The following RELT variants were observed in gnomAD, a reference collection of about 807,000 sequenced individuals.
RELT encodes RELT TNF receptor, also known as tumor necrosis factor receptor superfamily member 19L.
In RELT, 37 loss-of-function variants were observed where a neutral mutation model predicts 51.1. The ratio of observed to expected loss-of-function variants is 0.72; its 90% CI spans 0.56 to 0.95. RELT has a LOEUF of 0.95. RELT is among the 40% of genes least tolerant of loss of function. The pLI is 0.00. For missense variants in RELT, 535 were observed against 572.6 expected (o/e 0.93, Z 0.67); for synonymous variants, 241 against 235.7 (o/e 1.02, Z -0.21).
At position 73,395,232 on chromosome 11, in the gene RELT, A is replaced by G. The variant is rs1866297307; in HGVS notation, c.1192A>G (p.Ser398Gly). 6.2e-7 allele frequency: 1 copy of G among 1,613,158 alleles called. No individual in the cohort carries two copies. The highest frequency in any genetic ancestry group is 8.5e-7 in the Non-Finnish European group (1 of 1,179,952). The change falls in exon 10 of 11, where the codon AGT becomes GGT. Residue 398 changes from serine to glycine, a missense_variant. Ser to Gly is a moderately conservative substitution (Grantham distance 56). Transcript: ENST00000064780. ...LPPEQQALLG[S>G]GGSRTKWLKP... ...CCCTGAGCAGCAGGCCCTGCTAGGA[A>G]GTGGCGGAAGCCGTACAAAGTGGCT...
At position 73,390,435 on chromosome 11, in the gene RELT, T is replaced by C. The variant is rs149576064; in HGVS notation, c.46-116T>C. 531 of 888,492 alleles carry C rather than the reference T, an allele frequency of 6.0e-4. 3 individuals are homozygous for C. The African/African-American group carries it at 7.6e-3, about 13-fold the overall frequency. 55.0% of individuals were successfully genotyped at this position (888,492 alleles called of 1,614,324 possible). A position where few individuals can be genotyped will look rare whatever the true frequency, so the allele number is the denominator to read the frequency against. On this transcript the variant is annotated intron_variant, in intron 2 of 10. Transcript: ENST00000064780. Reference sequence around the variant, plus strand: ...GAAGAGTGTGTCCCTGAAGCCCGGGTGGGGTAGTCAGTGGTCCCTACCACT... The same window carrying C: ...GAAGAGTGTGTCCCTGAAGCCCGGGCGGGGTAGTCAGTGGTCCCTACCACT...
Position 73,395,549 on chromosome 11 carries a change from TGGA to T in RELT, c.*64_*66del. On this transcript the variant is annotated 3_prime_UTR_variant, in exon 11 of 11. Transcript: ENST00000064780. Reference sequence around the variant, plus strand: ...GCCCTGGGAGGTTCCGAAGGCTTCCTGGAGGAGGTGGAGCTGCAGCTGGGACTG... The same window carrying T: ...GCCCTGGGAGGTTCCGAAGGCTTCCTGGAGGTGGAGCTGCAGCTGGGACTG... The T allele has an allele frequency of 1.3e-6, 1 of 779,910 alleles. No homozygotes were observed. Among genetic ancestry groups the T allele is most frequent in the Non-Finnish European group, 2.4e-6 (1 of 417,778 alleles). 48.3% of individuals were successfully genotyped at this position (779,910 alleles called of 1,614,324 possible). A position where few individuals can be genotyped will look rare whatever the true frequency, so the allele number is the denominator to read the frequency against.
intron 1 of RELT, among the ~76,000 whole-genome samples, chr11:73,379,962 T>C (rs1460134346): frequency 6.6e-6 from 1 of 152,230 alleles, no homozygotes; most frequent in African/African-American, 2.4e-5. Flanking sequence ...CTTTTAAAGC[T>C]TCCCTCTTTC....
In RELT at chr11:73,392,253, G is replaced by A. The variant is rs1866228161; in HGVS notation, c.410G>A (p.Gly137Glu). 1 of 1,612,732 alleles carries A rather than the reference G, an allele frequency of 6.2e-7. No homozygotes were observed. Among genetic ancestry groups the A allele is most frequent in the African/African-American group, 1.3e-5 (1 of 74,912 alleles). The change falls in exon 6 of 11, where the codon GGG (glycine) becomes GAG (glutamate). Residue 137 changes from glycine (G) to glutamate (E), a missense_variant. By Grantham distance (98) the Gly-to-Glu change is moderately conservative. Coordinates refer to ENST00000064780, the MANE Select transcript of RELT (RefSeq NM_152222.2). Reference protein sequence around the residue: ...RARRGVEVAAGASSGGETRQP... With the variant: ...RARRGVEVAAEASSGGETRQP... ...CGACGTGGCGTGGAGGTGGCAGCAG[G>A]GGCCAGCAGCGGTGGTGAGACACGG... is the stretch of plus-strand genomic sequence containing the variant.
In RELT at chr11:73,394,156, G is replaced by T. The variant is rs1590738989; in HGVS notation, c.707-80G>T. 5 of 1,306,822 alleles carry T rather than the reference G, an allele frequency of 3.8e-6. No homozygotes were observed. Among genetic ancestry groups the T allele is most frequent in the Non-Finnish European group, 4.3e-6 (4 of 929,406 alleles). The allele number at this position is 1,306,822 out of a possible 1,614,324, so 81.0% of individuals were successfully genotyped here. ...GGGAGTGGTGGTATGGAGGGTAGGTGGGGGGTTCTCTGCTGGGGCAGGGGG... is the reference window on the plus strand; with the variant it reads ...GGGAGTGGTGGTATGGAGGGTAGGTTGGGGGTTCTCTGCTGGGGCAGGGGG... On this transcript the variant is annotated intron_variant, in intron 7 of 10. Transcript: ENST00000064780. The surrounding 1 kb of genome is among the most constrained non-coding windows in gnomAD (Gnocchi z 4.9).
At chr11:73,378,450 G>T (rs928282218) in intron 1 of RELT, among the ~76,000 whole-genome samples, 1 of 152,208 alleles carries the variant, frequency 6.6e-6, no homozygotes, top group African/African-American at 2.4e-5. Context: ...TTCAGAGAAA[G>T]GAACTGAGGA....
chr11:73,391,939 A>G (rs892417057), intron 5 of RELT: 42 of 564,376 alleles, frequency 7.4e-5, no homozygotes, highest in Non-Finnish European at 1.1e-4. Flanking sequence ...CCTGTGTGCC[A>G]TCTCTTCACC....
intron 2 of RELT, among the ~76,000 whole-genome samples, chr11:73,389,937 C>G (rs1866183992): frequency 6.6e-6 from 1 of 152,172 alleles, no homozygotes; most frequent in Non-Finnish European, 1.5e-5. Flanking sequence ...GAGAGAACTC[C>G]TAGTGAAATG....
At chr11:73,376,767 G>A (rs1354207867) in intron 1 of RELT, 1 of 151,926 alleles carries the variant, frequency 6.6e-6, no homozygotes, top group Non-Finnish European at 1.5e-5. Flanking sequence ...GGCCCTGCGT[G>A]GTGGCTGTCG....
intron 4 of RELT, 103 bp from the exon 5 acceptor site, chr11:73,391,041 G>T: frequency 6.6e-7 from 1 of 1,523,110 alleles, no homozygotes; most frequent in South Asian, 1.1e-5. Context: ...AAATGGGATG[G>T]GGCAGGACCA....
At chr11:73,382,665 C>A (rs527849526) in intron 1 of RELT, among the ~76,000 whole-genome samples, 1 of 152,290 alleles carries the variant, frequency 6.6e-6, no homozygotes, top group South Asian at 2.1e-4. Flanking sequence ...GAAGTTGTTA[C>A]AGGCTACCAC....
At position 73,394,372 on chromosome 11, in the gene RELT, T is replaced by C; in HGVS notation, c.788+55T>C. 1 of 1,609,920 alleles carries C rather than the reference T, an allele frequency of 6.2e-7. No homozygotes were observed. Among genetic ancestry groups the C allele is most frequent in the South Asian group, 1.1e-5 (1 of 90,948 alleles). ...CAAAACCTACATTAACCAGCCTGCC[T>C]CCTGGGGATCTCCCACTTGGGTCTC... On this transcript the variant is annotated intron_variant, in intron 8 of 10. Coordinates refer to ENST00000064780, the MANE Select transcript of RELT (RefSeq NM_152222.2). This position sits in a 1 kb window ranked among gnomAD's most constrained non-coding sequence, Gnocchi z 4.9.
rs1565225238 is a variant in RELT, at chr11:73,395,440, C to G, written c.1246-4C>G. The G allele has an allele frequency of 2.3e-6, 2 of 872,548 alleles. No individual in the cohort carries two copies. Among genetic ancestry groups the G allele is most frequent in the Admixed American group, 3.4e-5 (2 of 59,160 alleles). The allele number at this position is 872,548 out of a possible 1,614,324, so 54.1% of individuals were successfully genotyped here. A position where few individuals can be genotyped will look rare whatever the true frequency, so the allele number is the denominator to read the frequency against. ...AGCTCTGACCCCTCACCCCTGCCCA[C>G]CAGGAGAACCGCTATGTGGTCCGGC... is the stretch of plus-strand genomic sequence containing the variant. On this transcript the variant is annotated splice_region_variant and splice_polypyrimidine_tract_variant and intron_variant, in intron 10 of 10. Transcript: ENST00000064780.
At chr11:73,390,058 G>A (rs913559691) in intron 2 of RELT, among the ~76,000 whole-genome samples, 1 of 152,152 alleles carries the variant, frequency 6.6e-6, no homozygotes, top group Non-Finnish European at 1.5e-5. Context: ...TTGCAGAGGA[G>A]GATGTGGTCC....
intron 5 of RELT, among the ~76,000 whole-genome samples, chr11:73,391,497 C>T (rs1244466636): frequency 6.6e-6 from 1 of 152,182 alleles, no homozygotes; most frequent in African/African-American, 2.4e-5. Flanking sequence ...TGTCCCCTGT[C>T]CCCATCCCTT....
Position 73,395,249 on chromosome 11 carries a change from A to C in RELT, c.1209A>C (p.Thr403=), listed in dbSNP as rs17851510. The C allele has an allele frequency of 0.12, 187,812 of 1,612,564 alleles. 12,781 individuals carry two copies. Among genetic ancestry groups the C allele is most frequent in the African/African-American group, 0.27 (20,486 of 74,978 alleles). ...TGCTAGGAAGTGGCGGAAGCCGTAC[A>C]AAGTGGCTGAAGCCCCCAGCAGAGA... is the stretch of plus-strand genomic sequence containing the variant. ...QALLGSGGSR[T]KWLKPPAENK... is the part of the protein sequence containing the mutation. The change falls in exon 10 of 11, where the codon ACA becomes ACC. Residue 403 remains threonine (T), a synonymous_variant. Coordinates refer to ENST00000064780, the MANE Select transcript of RELT (RefSeq NM_152222.2).
intron 6 of RELT, 108 bp downstream of exon 6, chr11:73,392,576 G>C: frequency 6.9e-7 from 1 of 1,459,834 alleles, no homozygotes; most frequent in Non-Finnish European, 9.2e-7. Context: ...GGTCTGAGAG[G>C]GAGAGGCTTG....
chr11:73,383,272 G>C (rs575991773), intron 1 of RELT, among the ~76,000 whole-genome samples: 2 of 152,328 alleles, frequency 1.3e-5, no homozygotes, highest in East Asian at 3.9e-4. Flanking sequence ...TGAGCTTCCA[G>C]CAGCAGCCCT....
chr11:73,394,449 T>C lies in RELT; in HGVS notation c.789-28T>C, dbSNP rs767934542. The C allele has an allele frequency of 1.6e-4, 257 of 1,609,138 alleles. No individual in the cohort carries two copies. Among genetic ancestry groups the C allele is most frequent in the Non-Finnish European group, 2.1e-4 (245 of 1,176,952 alleles). ...GGTCTCCTGCCCCTGGCCTGGCCTATGGCCACTTCTGCCTGTGCCCCCTGC... is the reference window on the plus strand; with the variant it reads ...GGTCTCCTGCCCCTGGCCTGGCCTACGGCCACTTCTGCCTGTGCCCCCTGC... On this transcript the variant is annotated intron_variant, in intron 8 of 10. Transcript: ENST00000064780. The surrounding 1 kb of genome is among the most constrained non-coding windows in gnomAD (Gnocchi z 4.9).
Sources: gnomAD v4.1 joint callset for allele counts (sites outside exome capture counted in the v4.1 genomes callset) on GRCh38, gnomAD v4.1.1 for gene constraint, Gnocchi (gnomAD v3.1) non-coding constraint, MANE v1.5 for transcripts, NCBI Gene and HGNC (gene_info 2026-07-23, HGNC 2026-07-21) for gene names.